Variants in RORA observed in about 807,000 individuals in gnomAD.
RORA encodes RAR related orphan receptor A.
A neutral mutation model predicts 69.5 loss-of-function variants in RORA; 7 were observed. That is an observed-to-expected ratio of 0.10 (90% CI 0.06 to 0.19). The LOEUF (loss-of-function observed/expected upper bound fraction) is 0.19, where lower values mean the gene tolerates loss of function less well. RORA is among the 10% of genes least tolerant of loss of function. The probability of loss-of-function intolerance (pLI) is 1.00; values close to 1 mark genes in which losing one functional copy is unlikely to be tolerated. For missense variants in RORA, 457 were observed against 663.0 expected, an observed-to-expected ratio of 0.69 and a Z score of 3.41; for synonymous variants, 261 against 240.8, an observed-to-expected ratio of 1.08 and a Z score of -0.78.
In RORA at chr15:61,051,425, G is replaced by T. The variant is rs73424356; in HGVS notation, c.166+177628C>A. 4.2e-3 allele frequency among the ~76,000 whole-genome samples: 636 copies of T among 152,256 alleles called. 8 individuals carry two copies. The highest frequency in any genetic ancestry group is 0.014 in the African/African-American group (597 of 41,544). ...CCTGAGCTCCACTCAGCAGCAGCCT[G>T]GGCAGGATGAATGGTGGTGTGCAGG... On this transcript the variant is annotated intron_variant, in intron 1 of 10. Coordinates refer to ENST00000335670, the MANE Select transcript of RORA (RefSeq NM_134261.3).
At chr15:60,601,799 C>T (rs994878342) in intron 2 of RORA, among the ~76,000 whole-genome samples, 18 of 152,070 alleles carry the variant, frequency 1.2e-4, no homozygotes, top group African/African-American at 3.4e-4. Context: ...CTGTTATCTA[C>T]GTTTATTAAG....
intron 1 of RORA, among the ~76,000 whole-genome samples, chr15:60,852,736 G>C (rs2073339489): frequency 6.6e-6 from 1 of 152,194 alleles, no homozygotes; most frequent in East Asian, 1.9e-4. Context: ...GGGTGAGTCT[G>C]CAGCAAACAG....
At chr15:61,139,058 G>C (rs981246655) in intron 1 of RORA, among the ~76,000 whole-genome samples, 3 of 151,870 alleles carry the variant, frequency 2.0e-5, no homozygotes, top group Non-Finnish European at 2.9e-5. Flanking sequence ...GCAGGAGAAC[G>C]GCACGAACCC....
chr15:60,600,179 C>T (rs1277623002), intron 2 of RORA, among the ~76,000 whole-genome samples: 1 of 152,046 alleles, frequency 6.6e-6, no homozygotes, highest in Non-Finnish European at 1.5e-5. Flanking sequence ...AAAAGATAAG[C>T]GGTTACAGAT....
chr15:60,680,847 CA>C (rs1367990732), intron 1 of RORA, among the ~76,000 whole-genome samples: 4 of 152,090 alleles, frequency 2.6e-5, no homozygotes, highest in Non-Finnish European at 5.9e-5. Context: ...ATATACCAAT[CA>C]ATTAATAAAC....
At chr15:61,210,526 T>G (rs1342607248) in intron 1 of RORA, among the ~76,000 whole-genome samples, 2 of 152,166 alleles carry the variant, frequency 1.3e-5, no homozygotes, top group Non-Finnish European at 2.9e-5. Flanking sequence ...CTCTAACTTA[T>G]CAAATCCTAT....
Position 60,513,644 on chromosome 15 carries a change from C to G in RORA, c.424+972G>C, listed in dbSNP as rs572401991. The stretch of plus-strand genomic sequence containing the variant: ...AATTTCTGAGAATATGGTGGAAGTT[C>G]TGTGATTTGTATCTTCCAATGTCAA... On this transcript the variant is annotated intron_variant, in intron 4 of 10. Transcript: ENST00000335670. Among the ~76,000 whole-genome samples, 6 of 152,290 alleles carry G rather than the reference C, an allele frequency of 3.9e-5. No homozygotes were observed. The South Asian group carries it at 1.2e-3, about 32-fold the overall frequency.
chr15:60,510,824 C>A (rs565528220), intron 5 of RORA, among the ~76,000 whole-genome samples: 7 of 151,700 alleles, frequency 4.6e-5, no homozygotes, highest in Admixed American at 3.9e-4. Context: ...AAAACTCTGC[C>A]CTGGGCAAAA....
At chr15:60,743,558 C>A (rs1159457802) in intron 1 of RORA, among the ~76,000 whole-genome samples, 1 of 152,230 alleles carries the variant, frequency 6.6e-6, no homozygotes, top group Non-Finnish European at 1.5e-5. Flanking sequence ...CCCATTGTCA[C>A]TCTGCTATAG....
intron 1 of RORA, among the ~76,000 whole-genome samples, chr15:60,823,934 T>C (rs1380483475): frequency 6.6e-6 from 1 of 152,232 alleles, no homozygotes; most frequent in Non-Finnish European, 1.5e-5. Context: ...TTAATACATT[T>C]TTTTTGGAGA....
intron 1 of RORA, chr15:60,765,329 G>A (rs1404684917): frequency 8.6e-5 from 13 of 152,028 alleles, no homozygotes; most frequent in Admixed American, 7.2e-4. Flanking sequence ...CCTGGCCTGG[G>A]AGTTCTTGAG....
chr15:60,516,163 A>ATAAATATATT (rs2065924200), intron 3 of RORA, among the ~76,000 whole-genome samples: 1 of 30,900 alleles, frequency 3.2e-5, no homozygotes, highest in African/African-American at 1.6e-4. Flanking sequence ...ATATATATTT[A>ATAAATATATT]TATATATATT....
At chr15:60,629,810 T>C (rs986880538) in intron 2 of RORA, among the ~76,000 whole-genome samples, 1 of 152,168 alleles carries the variant, frequency 6.6e-6, no homozygotes, top group Non-Finnish European at 1.5e-5. Flanking sequence ...AGGACAAAGA[T>C]GGGGGGATTA....
chr15:60,613,691 GAT>G (rs2069150437), intron 2 of RORA, among the ~76,000 whole-genome samples: 1 of 125,522 alleles, frequency 8.0e-6, no homozygotes, highest in South Asian at 3.1e-4. Context: ...ATCTCAATTT[GAT>G]ATCTGTGTGT....
At chr15:60,557,391 G>C (rs1270928360) in intron 2 of RORA, among the ~76,000 whole-genome samples, 1 of 152,214 alleles carries the variant, frequency 6.6e-6, no homozygotes, top group African/African-American at 2.4e-5. Context: ...TTATTTGGAA[G>C]CAGCAAAAAT....
chr15:60,985,529 T>C (rs1523531), intron 1 of RORA, among the ~76,000 whole-genome samples: 126,945 of 150,426 alleles, frequency 0.84, 53,997 homozygotes, highest in East Asian at 1. Flanking sequence ...TATGAAGGTA[T>C]ATTTTTCTCA....
intron 1 of RORA, among the ~76,000 whole-genome samples, chr15:60,714,758 A>C (rs1006215736): frequency 6.6e-6 from 1 of 152,170 alleles, no homozygotes; most frequent in Non-Finnish European, 1.5e-5. Flanking sequence ...TGCCTTTTCA[A>C]TCTGAAAATA....
At chr15:60,569,837 A>G (rs2067827488) in intron 2 of RORA, among the ~76,000 whole-genome samples, 1 of 152,218 alleles carries the variant, frequency 6.6e-6, no homozygotes, top group African/African-American at 2.4e-5. Flanking sequence ...TCTTTTATTC[A>G]CAAATCAATG....
In RORA at chr15:60,511,197, C is replaced by T; in HGVS notation, c.820+29G>A. 6.3e-7 allele frequency: 1 copy of T among 1,588,676 alleles called. No homozygotes were observed. Among genetic ancestry groups the T allele is most frequent in the Non-Finnish European group, 8.6e-7 (1 of 1,167,086 alleles). On this transcript the variant is annotated intron_variant, in intron 5 of 10. Coordinates refer to ENST00000335670, the MANE Select transcript of RORA (RefSeq NM_134261.3). This position sits in a 1 kb window ranked among gnomAD's most constrained non-coding sequence, Gnocchi z 6.4. ...TTTACTTCAAAGGGCATGAATAGAG[C>T]ATCCCAGGAGAAGCATGCATGCCAT...
Sources: gnomAD v4.1 joint callset for allele counts (sites outside exome capture counted in the v4.1 genomes callset) on GRCh38, gnomAD v4.1.1 for gene constraint, Gnocchi (gnomAD v3.1) non-coding constraint, MANE v1.5 for transcripts, NCBI Gene and HGNC (gene_info 2026-07-23, HGNC 2026-07-21) for gene names.